The following NRXN1 variants were observed in gnomAD, a reference collection of about 807,000 sequenced individuals.
NRXN1 encodes neurexin 1.
NRXN1 carries 39 observed loss-of-function variants against 150.9 expected under a neutral mutation model. The ratio of observed to expected loss-of-function variants is 0.26; its 90% CI spans 0.20 to 0.34. The LOEUF is 0.34. NRXN1 is among the 10% of genes least tolerant of loss of function. The pLI, the probability that NRXN1 is intolerant of heterozygous loss-of-function variation, is 1.00. For missense variants in NRXN1, 1,815 were observed against 1,949.9 expected (o/e 0.93, Z 1.30); for synonymous variants, 924 against 757.0 (o/e 1.22, Z -3.62).
chr2:50,006,100 G>C (rs1684713645), intron 21 of NRXN1, among the ~76,000 whole-genome samples: 1 of 152,148 alleles, frequency 6.6e-6, no homozygotes, highest in Non-Finnish European at 1.5e-5. Flanking sequence ...TGTAGACATG[G>C]AACTTCCTCA....
At chr2:50,925,912 G>A (rs1214023009) in intron 3 of NRXN1, 26 bp downstream of exon 3, 1 of 1,554,582 alleles carries the variant, frequency 6.4e-7, no homozygotes, top group Non-Finnish European at 8.7e-7. Context: ...AATGAGAGTT[G>A]GAAAAATAAG....
intron 5 of NRXN1, among the ~76,000 whole-genome samples, chr2:50,825,384 G>A (rs1670307104): frequency 6.6e-6 from 1 of 152,132 alleles, no homozygotes; most frequent in African/African-American, 2.4e-5. Context: ...GACAGAATTA[G>A]AGGGTTAAAA....
At chr2:50,843,045 T>C (rs1673106097) in intron 5 of NRXN1, among the ~76,000 whole-genome samples, 1 of 152,170 alleles carries the variant, frequency 6.6e-6, no homozygotes, top group African/African-American at 2.4e-5. Context: ...ATGTGTATAG[T>C]ACTCATTATC....
At chr2:50,259,559 T>G (rs2068044514) in intron 17 of NRXN1, among the ~76,000 whole-genome samples, 1 of 151,818 alleles carries the variant, frequency 6.6e-6, no homozygotes, top group Non-Finnish European at 1.5e-5. Flanking sequence ...GAAGACATCT[T>G]CAAATGAAAA....
chr2:50,541,459 T>C (rs2093387021), intron 9 of NRXN1, among the ~76,000 whole-genome samples: 1 of 152,200 alleles, frequency 6.6e-6, no homozygotes, highest in Non-Finnish European at 1.5e-5. Flanking sequence ...CATTACAGTT[T>C]GTCTGACAGT....
At chr2:50,050,524 C>T (rs1044855361) in intron 21 of NRXN1, among the ~76,000 whole-genome samples, 1 of 151,956 alleles carries the variant, frequency 6.6e-6, no homozygotes, top group Non-Finnish European at 1.5e-5. Flanking sequence ...TTCTGATACA[C>T]AATTTAGTAA....
chr2:50,481,615 C>A (rs769464695), intron 15 of NRXN1, among the ~76,000 whole-genome samples: 3 of 152,066 alleles, frequency 2.0e-5, no homozygotes, highest in Non-Finnish European at 4.4e-5. Flanking sequence ...CCAGCACTTA[C>A]GTGGGACAAG....
intron 5 of NRXN1, among the ~76,000 whole-genome samples, chr2:50,852,812 G>C (rs1674705507): frequency 6.6e-6 from 1 of 152,100 alleles, no homozygotes; most frequent in South Asian, 2.1e-4. Flanking sequence ...ATTCATTTAA[G>C]AAAATGTTCA....
Position 50,077,416 on chromosome 2 carries a change from C to T in NRXN1, c.3718+13907G>A, listed in dbSNP as rs902155893. On this transcript the variant is annotated intron_variant, in intron 19 of 22. Transcript: ENST00000401669. ...CCTCATCTAATTATCCCCAGGTCTGCCTTCTACTGTGATTGTGCTCATTCT... is the reference window on the plus strand; with the variant it reads ...CCTCATCTAATTATCCCCAGGTCTGTCTTCTACTGTGATTGTGCTCATTCT... Among the ~76,000 whole-genome samples, 3 of 152,108 alleles carry T rather than the reference C, an allele frequency of 2.0e-5. No homozygotes were observed. The East Asian group carries it at 5.8e-4, about 29-fold the overall frequency.
intron 17 of NRXN1, among the ~76,000 whole-genome samples, chr2:50,364,957 A>G (rs1199022137): frequency 6.6e-6 from 1 of 152,118 alleles, no homozygotes; most frequent in Non-Finnish European, 1.5e-5. Context: ...AACAGAAAAG[A>G]TAAGGAAAAT....
chr2:51,027,381 C>A (rs1670673786), intron 2 of NRXN1, 121 bp downstream of exon 2: 2 of 1,028,140 alleles, frequency 1.9e-6, no homozygotes, highest in Non-Finnish European at 2.6e-6. Context: ...CAAGGTCCTT[C>A]CCTCGAAGCG....
chr2:49,966,164 C>G (rs573503774), intron 21 of NRXN1, among the ~76,000 whole-genome samples: 2 of 152,248 alleles, frequency 1.3e-5, no homozygotes, highest in South Asian at 4.1e-4. Context: ...ACAAGGGGAA[C>G]GAGCAGTATA....
chr2:50,154,116 C>T (rs558711806), intron 18 of NRXN1, among the ~76,000 whole-genome samples: 12 of 151,780 alleles, frequency 7.9e-5, no homozygotes, highest in African/African-American at 2.7e-4. Context: ...CAATTATTGT[C>T]TATATAAAAA....
chr2:50,765,562 C>T (rs949002989), intron 5 of NRXN1, among the ~76,000 whole-genome samples: 2 of 152,058 alleles, frequency 1.3e-5, no homozygotes, highest in African/African-American at 4.8e-5. Context: ...CATGTGCATG[C>T]TCCAGGGACA....
intron 18 of NRXN1, among the ~76,000 whole-genome samples, chr2:50,140,906 G>C (rs1043982143): frequency 6.6e-6 from 1 of 150,540 alleles, no homozygotes; most frequent in South Asian, 2.1e-4. Context: ...GTGTGTGTGT[G>C]TATATATATA....
chr2:50,082,777 C>T (rs1698153804), intron 19 of NRXN1, among the ~76,000 whole-genome samples: 1 of 152,130 alleles, frequency 6.6e-6, no homozygotes, highest in Non-Finnish European at 1.5e-5. Context: ...ATCCTCCCCA[C>T]ACAGTTGCAA....
intron 9 of NRXN1, among the ~76,000 whole-genome samples, chr2:50,550,336 A>C (rs1272915958): frequency 6.6e-6 from 1 of 151,886 alleles, no homozygotes; most frequent in African/African-American, 2.4e-5. Flanking sequence ...AAGTGATCCT[A>C]AGTGTGGGGA....
chr2:50,480,986 C>A (rs998900564), intron 15 of NRXN1, among the ~76,000 whole-genome samples: 1 of 152,158 alleles, frequency 6.6e-6, no homozygotes, highest in Non-Finnish European at 1.5e-5. Context: ...CTTGACCAAG[C>A]ATTTGCACAT....
chr2:50,537,817 T>A (rs1019414533), intron 10 of NRXN1, among the ~76,000 whole-genome samples: 12 of 152,192 alleles, frequency 7.9e-5, no homozygotes, highest in Non-Finnish European at 1.6e-4. Flanking sequence ...TCTCACCCAG[T>A]TGTGTCAGGG....
Sources: allele counts gnomAD v4.1 joint callset (sites outside exome capture counted in the v4.1 genomes callset), GRCh38; gene constraint gnomAD v4.1.1; transcripts MANE v1.5; gene names NCBI Gene and HGNC (gene_info 2026-07-23, HGNC 2026-07-21).